The following ZSWIM6 variants were observed in gnomAD, a reference collection of about 807,000 sequenced individuals.
The protein encoded by ZSWIM6 is zinc finger SWIM-type containing 6, also known as zinc finger SWIM domain-containing protein 6.
ZSWIM6 carries 9 observed loss-of-function variants against 113.2 expected under a neutral mutation model. The ratio of observed to expected loss-of-function variants is 0.08; its 90% CI spans 0.05 to 0.14. ZSWIM6 has a LOEUF of 0.14. Ranked by LOEUF, ZSWIM6 falls within the 10% of genes least tolerant of loss-of-function variation. The pLI is 1.00. For synonymous variants in ZSWIM6, 611 were observed against 606.5 expected, an observed-to-expected ratio of 1.01 and a Z score of -0.11; for missense variants, 1,162 against 1,552.2, an observed-to-expected ratio of 0.75 and a Z score of 4.22.
intron 1 of ZSWIM6, among the ~76,000 whole-genome samples, chr5:61,452,372 T>C (rs773133831): frequency 2.0e-5 from 3 of 152,234 alleles, no homozygotes; most frequent in Non-Finnish European, 4.4e-5. Flanking sequence ...AAAAATGTTA[T>C]GAACATTATT....
At chr5:61,372,594 T>G (rs1033722802) in intron 1 of ZSWIM6, among the ~76,000 whole-genome samples, 3 of 152,182 alleles carry the variant, frequency 2.0e-5, no homozygotes, top group African/African-American at 7.2e-5. Flanking sequence ...CTCTTCCCGC[T>G]TTTTGGACCC....
At chr5:61,389,242 C>G (rs1410396085) in intron 1 of ZSWIM6, among the ~76,000 whole-genome samples, 1 of 152,044 alleles carries the variant, frequency 6.6e-6, no homozygotes, top group Admixed American at 6.6e-5. Flanking sequence ...ATATACTGTA[C>G]TTTTCTTGAT....
intron 3 of ZSWIM6, 106 bp from the exon 4 acceptor site, chr5:61,494,153 GA>G: frequency 1.6e-6 from 2 of 1,232,520 alleles, no homozygotes; most frequent in African/African-American, 1.5e-5. Flanking sequence ...CACGGAGAGA[GA>G]GAGAGAGAAA....
chr5:61,355,146 G>C (rs1009559341), intron 1 of ZSWIM6, among the ~76,000 whole-genome samples: 29 of 152,182 alleles, frequency 1.9e-4, no homozygotes, highest in Admixed American at 1.6e-3. Flanking sequence ...TTAGTGATGG[G>C]GTTATATCAG....
In ZSWIM6 at chr5:61,400,125, A is replaced by T. The variant is rs1745915268; in HGVS notation, c.676+67177A>T. The stretch of plus-strand genomic sequence containing the variant: ...CTTGGCGTCCACTCTAGAGGTGGGG[A>T]ACCGTTGGTTTTCAAGGTAGTTTTG... On this transcript the variant is annotated intron_variant, in intron 1 of 13. Coordinates refer to ENST00000252744, the MANE Select transcript of ZSWIM6 (RefSeq NM_020928.2). 2.6e-5 allele frequency among the ~76,000 whole-genome samples: 4 copies of T among 152,116 alleles called. No individual in the cohort carries two copies. In the South Asian group the frequency reaches 8.3e-4, roughly 32 times the overall value.
intron 1 of ZSWIM6, among the ~76,000 whole-genome samples, chr5:61,379,185 GAAAAAAAAA>G (rs1211778480): frequency 2.6e-5 from 1 of 38,592 alleles, no homozygotes; most frequent in African/African-American, 1.0e-4. Flanking sequence ...TCCTGTCTCT[GAAAAAAAAA>G]AAAAAAAAAA....
chr5:61,446,238 T>C (rs1300989832), intron 1 of ZSWIM6, among the ~76,000 whole-genome samples: 1 of 152,200 alleles, frequency 6.6e-6, no homozygotes, highest in Non-Finnish European at 1.5e-5. Flanking sequence ...TTGGCCAGGA[T>C]GGCCTCAATC....
At chr5:61,354,980 A>G (rs1744869747) in intron 1 of ZSWIM6, among the ~76,000 whole-genome samples, 1 of 152,196 alleles carries the variant, frequency 6.6e-6, no homozygotes, top group Non-Finnish European at 1.5e-5. Flanking sequence ...ATCTGGTCTC[A>G]TTTTACAGAT....
At chr5:61,364,549 T>G (rs1355578719) in intron 1 of ZSWIM6, among the ~76,000 whole-genome samples, 1 of 152,238 alleles carries the variant, frequency 6.6e-6, no homozygotes, top group Non-Finnish European at 1.5e-5. Flanking sequence ...CTCATTAGTT[T>G]ATGTCTTAGT....
chr5:61,505,176 C>G (rs1199080611), intron 4 of ZSWIM6, among the ~76,000 whole-genome samples: 1 of 152,200 alleles, frequency 6.6e-6, no homozygotes, highest in East Asian at 1.9e-4. Context: ...TTATGCTTAA[C>G]TGGCTTAGTT....
intron 2 of ZSWIM6, 22 bp downstream of exon 2, chr5:61,473,059 T>A: frequency 7.4e-7 from 1 of 1,356,022 alleles, no homozygotes; most frequent in Non-Finnish European, 9.8e-7. Context: ...CATTGACTCT[T>A]TAAATTTCCT....
chr5:61,513,967 A>G (rs1444641997), intron 4 of ZSWIM6, among the ~76,000 whole-genome samples: 2 of 152,110 alleles, frequency 1.3e-5, no homozygotes, highest in African/African-American at 4.8e-5. Flanking sequence ...CACTATACAC[A>G]CAAACACTGG....
At chr5:61,500,603 G>T in intron 4 of ZSWIM6, among the ~76,000 whole-genome samples, 1 of 152,106 alleles carries the variant, frequency 6.6e-6, no homozygotes, top group East Asian at 1.9e-4. Context: ...AGCTTACCTA[G>T]TCTAGTCGCT....
intron 2 of ZSWIM6, among the ~76,000 whole-genome samples, chr5:61,480,247 TG>T (rs1358600472): frequency 6.6e-6 from 1 of 152,188 alleles, no homozygotes. Context: ...ATTGAACTGC[TG>T]AAGTAAATTA....
At chr5:61,368,419 CTA>C (rs1446217095) in intron 1 of ZSWIM6, among the ~76,000 whole-genome samples, 3 of 152,120 alleles carry the variant, frequency 2.0e-5, no homozygotes, top group African/African-American at 4.8e-5. Context: ...TGCCAAATGA[CTA>C]TGCAAAATAA....
At chr5:61,475,378 T>G (rs1448630752) in intron 2 of ZSWIM6, among the ~76,000 whole-genome samples, 3 of 152,180 alleles carry the variant, frequency 2.0e-5, no homozygotes, top group Admixed American at 2.0e-4. Context: ...CAATCTATTT[T>G]GAAATAATGG....
At chr5:61,491,616 A>G (rs1203071198) in intron 3 of ZSWIM6, among the ~76,000 whole-genome samples, 2 of 152,046 alleles carry the variant, frequency 1.3e-5, no homozygotes, top group African/African-American at 2.4e-5. Context: ...TGTTTTGTTT[A>G]TACAGAAGTT....
chr5:61,539,703 A>C lies in ZSWIM6; in HGVS notation c.2647A>C (p.Met883Leu), dbSNP rs1749679770. 1 of 1,551,780 alleles carries C rather than the reference A, an allele frequency of 6.4e-7. No individual in the cohort carries two copies. The highest frequency in any genetic ancestry group is 1.2e-5 in the South Asian group (1 of 84,050). The change falls in exon 12 of 14, where the codon ATG (methionine) becomes CTG (leucine). Residue 883 changes from methionine (M) to leucine (L), a missense_variant. Met to Leu is a conservative substitution (Grantham distance 15). Transcript: ENST00000252744. The stretch of plus-strand genomic sequence containing the variant: ...AGATGCATTTAAAATAGCAACTCTC[A>C]TGGACAGTTTGCCAGACATCACTCT... ...AQDAFKIATL[M>L]DSLPDITLLK...
chr5:61,374,777 A>G (rs969519349), intron 1 of ZSWIM6, among the ~76,000 whole-genome samples: 16 of 151,934 alleles, frequency 1.1e-4, no homozygotes, highest in African/African-American at 3.6e-4. Flanking sequence ...GGATGGTCTC[A>G]ATCTCCTGAC....
Sources: allele counts gnomAD v4.1 joint callset (sites outside exome capture counted in the v4.1 genomes callset), GRCh38; gene constraint gnomAD v4.1.1; transcripts MANE v1.5; gene names NCBI Gene and HGNC (gene_info 2026-07-23, HGNC 2026-07-21).